FBXO11: variants seen among roughly 807,000 people sequenced by gnomAD.
The protein encoded by FBXO11 is F-box only protein 11.
In FBXO11, 13 loss-of-function variants were observed where a neutral mutation model predicts 117.0. That is an observed-to-expected ratio of 0.11 (90% CI 0.07 to 0.18). The LOEUF (loss-of-function observed/expected upper bound fraction) is 0.18, where lower values mean the gene tolerates loss of function less well. Ranked by LOEUF, FBXO11 falls within the 10% of genes least tolerant of loss-of-function variation. The probability of loss-of-function intolerance (pLI) is 1.00; values close to 1 mark genes in which losing one functional copy is unlikely to be tolerated. For synonymous variants in FBXO11, 490 were observed against 380.5 expected, an observed-to-expected ratio of 1.29 and a Z score of -3.35; for missense variants, 767 against 1,164.4, an observed-to-expected ratio of 0.66 and a Z score of 4.97.
chr2:47,899,242 C>G (rs1677912766), intron 1 of FBXO11, among the ~76,000 whole-genome samples: 1 of 148,454 alleles, frequency 6.7e-6, no homozygotes, highest in Admixed American at 6.8e-5. Flanking sequence ...CCACTGTACT[C>G]CAGCCTGGGC....
chr2:47,821,491 T>A (rs1671377620), intron 13 of FBXO11, among the ~76,000 whole-genome samples: 1 of 151,944 alleles, frequency 6.6e-6, no homozygotes, highest in African/African-American at 2.4e-5. Context: ...GCGCCTGTAG[T>A]CCCAGCTACT....
intron 18 of FBXO11, among the ~76,000 whole-genome samples, chr2:47,812,649 A>C (rs983545124): frequency 1.3e-5 from 2 of 152,204 alleles, no homozygotes; most frequent in Non-Finnish European, 2.9e-5. Flanking sequence ...ATATGTACAA[A>C]TGTTGGGTTA....
chr2:47,839,344 A>G, intron 3 of FBXO11, 75 bp downstream of exon 3: 2 of 1,367,414 alleles, frequency 1.5e-6, no homozygotes, highest in Admixed American at 2.1e-5. Flanking sequence ...AATACACTTA[A>G]TTTTCATTTT....
chr2:47,897,703 A>C (rs1390278294), intron 1 of FBXO11, among the ~76,000 whole-genome samples: 5 of 71,138 alleles, frequency 7.0e-5, no homozygotes, highest in Admixed American at 6.0e-4. Flanking sequence ...TCTTAAACCA[A>C]AAAAAAAAAA....
At chr2:47,876,406 G>C (rs1257831033) in intron 1 of FBXO11, among the ~76,000 whole-genome samples, 1 of 152,066 alleles carries the variant, frequency 6.6e-6, no homozygotes, top group Non-Finnish European at 1.5e-5. Flanking sequence ...TACTATTCTT[G>C]CTGAAGTACA....
intron 1 of FBXO11, among the ~76,000 whole-genome samples, chr2:47,850,984 A>T (rs998630076): frequency 6.6e-6 from 1 of 152,234 alleles, no homozygotes; most frequent in African/African-American, 2.4e-5. Context: ...TTAACAAGCA[A>T]GAAAAAATTT....
At chr2:47,887,059 G>T (rs1364056108) in intron 1 of FBXO11, among the ~76,000 whole-genome samples, 1 of 152,064 alleles carries the variant, frequency 6.6e-6, no homozygotes. Flanking sequence ...ACTGAGGTGG[G>T]CAGATCATCC....
intron 1 of FBXO11, among the ~76,000 whole-genome samples, chr2:47,863,138 T>C (rs181344723): frequency 1.8e-3 from 273 of 151,890 alleles, no homozygotes; most frequent in African/African-American, 6.3e-3. Context: ...ACAAAAGTTT[T>C]CCCCTTGCCT....
intron 1 of FBXO11, among the ~76,000 whole-genome samples, chr2:47,848,299 T>C (rs750350766): frequency 2.6e-5 from 4 of 152,188 alleles, no homozygotes; most frequent in Non-Finnish European, 5.9e-5. Context: ...GAGCTCCGCC[T>C]CCTGTCAGAT....
intron 1 of FBXO11, among the ~76,000 whole-genome samples, chr2:47,897,939 A>G (rs975934209): frequency 1.2e-4 from 19 of 152,326 alleles, no homozygotes; most frequent in African/African-American, 4.3e-4. Flanking sequence ...AAAAAAAAGG[A>G]TGAATGACAC....
chr2:47,836,727 GA>G (rs919195925), intron 4 of FBXO11, among the ~76,000 whole-genome samples: 1 of 152,008 alleles, frequency 6.6e-6, no homozygotes, highest in African/African-American at 2.4e-5. Context: ...TCAGGAAGGG[GA>G]AAAAAAGTTA....
At chr2:47,833,290 A>C (rs985092211) in intron 7 of FBXO11, among the ~76,000 whole-genome samples, 5 of 152,234 alleles carry the variant, frequency 3.3e-5, no homozygotes, top group African/African-American at 1.2e-4. Flanking sequence ...TATAAAATGC[A>C]ACGGCATATT....
At chr2:47,899,918 C>A in intron 1 of FBXO11, among the ~76,000 whole-genome samples, 1 of 150,086 alleles carries the variant, frequency 6.7e-6, no homozygotes, top group Admixed American at 6.7e-5. Context: ...TTACTGTAAA[C>A]TGGTTATTTT....
At chr2:47,870,543 A>G (rs1675549373) in intron 1 of FBXO11, among the ~76,000 whole-genome samples, 1 of 152,214 alleles carries the variant, frequency 6.6e-6, no homozygotes, top group African/African-American at 2.4e-5. Context: ...CAAGAGGCAG[A>G]GACTGAAGTG....
chr2:47,863,873 G>A (rs1320675703), intron 1 of FBXO11, among the ~76,000 whole-genome samples: 3 of 151,750 alleles, frequency 2.0e-5, no homozygotes, highest in African/African-American at 7.3e-5. Flanking sequence ...CCCTGGAGGT[G>A]GAGGTTGCAG....
chr2:47,905,428 C>G, intron 1 of FBXO11, 61 bp downstream of exon 1: 1 of 1,170,244 alleles, frequency 8.5e-7, no homozygotes, highest in Non-Finnish European at 1.1e-6. Context: ...GCCCGCCCGC[C>G]CCGGCCTCCC....
At chr2:47,849,938 G>A (rs1201124514) in intron 1 of FBXO11, among the ~76,000 whole-genome samples, 1 of 152,132 alleles carries the variant, frequency 6.6e-6, no homozygotes, top group African/African-American at 2.4e-5. Context: ...GGTCACTGAA[G>A]GGTATTAAAA....
chr2:47,826,068 G>C (rs547590473), intron 11 of FBXO11, among the ~76,000 whole-genome samples: 1 of 151,734 alleles, frequency 6.6e-6, no homozygotes, highest in East Asian at 1.9e-4. Context: ...AGTTTTTTTG[G>C]TTTTTTTTGA....
rs530173617 is a variant in FBXO11, at chr2:47,899,110, T to A, written c.232+6379A>T. ...TAACATGGTGAAACCCGGTCTCTAC[T>A]AAAAATACAAAAAATTAGCCGGGCG... On this transcript the variant is annotated intron_variant, in intron 1 of 22. Coordinates refer to ENST00000403359, the MANE Select transcript of FBXO11 (RefSeq NM_001190274.2). 3.3e-5 allele frequency among the ~76,000 whole-genome samples: 5 copies of A among 151,902 alleles called. No homozygotes were observed. In the South Asian group the frequency reaches 1.0e-3, roughly 32 times the overall value.
Sources: gnomAD v4.1 joint callset for allele counts (sites outside exome capture counted in the v4.1 genomes callset) on GRCh38, gnomAD v4.1.1 for gene constraint, MANE v1.5 for transcripts, NCBI Gene and HGNC (gene_info 2026-07-23, HGNC 2026-07-21) for gene names.